MPP7: variants seen among roughly 807,000 people sequenced by gnomAD.
The protein encoded by MPP7 is MAGUK p55 subfamily member 7.
Under a neutral mutation model 76.5 loss-of-function variants are expected in MPP7, and 60 were observed. The observed-to-expected ratio is 0.78, with a 90% CI of 0.64 to 0.97. MPP7 has a LOEUF of 0.97. MPP7 is among the 50% of genes least tolerant of loss of function. MPP7 has a pLI of 0.00. For missense variants in MPP7, 641 were observed against 694.0 expected (o/e 0.92, Z 0.86); for synonymous variants, 237 against 244.5 (o/e 0.97, Z 0.29).
chr10:28,192,902 G>A (rs1298511264), intron 3 of MPP7, among the ~76,000 whole-genome samples: 2 of 152,218 alleles, frequency 1.3e-5, no homozygotes, highest in African/African-American at 4.8e-5. Context: ...GGCAGCATGT[G>A]TTGATGAAAG....
At chr10:28,233,992 G>T (rs750301580) in intron 2 of MPP7, among the ~76,000 whole-genome samples, 1 of 151,950 alleles carries the variant, frequency 6.6e-6, no homozygotes, top group African/African-American at 2.4e-5. Flanking sequence ...GAAAAGAAAC[G>T]AAATGAAACA....
intron 3 of MPP7, among the ~76,000 whole-genome samples, chr10:28,182,375 G>A (rs922346359): frequency 1.3e-5 from 2 of 152,166 alleles, no homozygotes; most frequent in African/African-American, 2.4e-5. Flanking sequence ...AATTCAAAAT[G>A]CTGAAATAAA....
chr10:28,116,552 G>C (rs1393893918), intron 11 of MPP7, among the ~76,000 whole-genome samples: 1 of 151,980 alleles, frequency 6.6e-6, no homozygotes, highest in Non-Finnish European at 1.5e-5. Flanking sequence ...TTTTCTCTCT[G>C]CATTACTAAT....
At chr10:28,106,741 GCTGTCAACT>G (rs1423058018) in intron 11 of MPP7, among the ~76,000 whole-genome samples, 4 of 152,052 alleles carry the variant, frequency 2.6e-5, no homozygotes, top group African/African-American at 9.7e-5. Context: ...TCCTTCCTCT[GCTGTCAACT>G]CTGTCACTCC....
intron 3 of MPP7, among the ~76,000 whole-genome samples, chr10:28,189,958 A>G (rs1837359767): frequency 6.6e-6 from 1 of 152,208 alleles, no homozygotes; most frequent in Non-Finnish European, 1.5e-5. Context: ...ACATAAAGAT[A>G]CAGACACACG....
chr10:28,266,716 G>A (rs1213748202), intron 1 of MPP7, among the ~76,000 whole-genome samples: 1 of 152,170 alleles, frequency 6.6e-6, no homozygotes, highest in African/African-American at 2.4e-5. Context: ...CTATGGTGCT[G>A]TCTCTTCTAT....
chr10:28,153,632 AT>A (rs1183720354), intron 3 of MPP7, among the ~76,000 whole-genome samples: 1 of 152,202 alleles, frequency 6.6e-6, no homozygotes, highest in African/African-American at 2.4e-5. Flanking sequence ...CTTCATTTAC[AT>A]ACTTCCTAAA....
intron 11 of MPP7, among the ~76,000 whole-genome samples, chr10:28,103,338 C>T (rs1853922125): frequency 6.6e-6 from 1 of 151,310 alleles, no homozygotes; most frequent in Admixed American, 6.6e-5. Context: ...TGTTGGGGGC[C>T]TGTGCACATG....
Position 28,275,536 on chromosome 10 carries a change from A to G in MPP7, c.-132+27325T>C, listed in dbSNP as rs377288695. 3.4e-4 allele frequency among the ~76,000 whole-genome samples: 52 copies of G among 151,818 alleles called. 1 individual carries two copies. In the South Asian group the frequency reaches 8.3e-3, roughly 24 times the overall value. ...ATTCTCCTGCCTCAGCCTCCCGAGT[A>G]GCTGGGATTACAGGCACGCACCACC... is the stretch of plus-strand genomic sequence containing the variant. On this transcript the variant is annotated intron_variant, in intron 1 of 16. Coordinates refer to ENST00000683449, the MANE Select transcript of MPP7 (RefSeq NM_001318170.2).
Position 28,149,993 on chromosome 10 carries a change from A to G in MPP7, c.223T>C (p.Leu75=), listed in dbSNP as rs1588851441. The change falls in exon 4 of 17, where the codon TTG becomes CTG. Residue 75 remains leucine, a synonymous_variant. Transcript: ENST00000683449. ...PVPILHGAAA[L]ADDLAEELQN... is the part of the protein sequence containing the mutation. Reference sequence around the variant, plus strand: ...AGAGTCACACTTACATCATCGGCCAAGGCCGCCGCACCATGGAGAATGGGC... The same window carrying G: ...AGAGTCACACTTACATCATCGGCCAGGGCCGCCGCACCATGGAGAATGGGC... 1 of 1,613,050 alleles carries G rather than the reference A, an allele frequency of 6.2e-7. No homozygotes were observed. The highest frequency in any genetic ancestry group is 8.5e-7 in the Non-Finnish European group (1 of 1,179,616).
chr10:28,165,568 T>C (rs1836423059), intron 3 of MPP7, among the ~76,000 whole-genome samples: 1 of 151,202 alleles, frequency 6.6e-6, no homozygotes, highest in Non-Finnish European at 1.5e-5. Context: ...AGCCTCATTC[T>C]CTGCTGTATG....
chr10:28,214,645 A>C (rs1433333022), intron 2 of MPP7, among the ~76,000 whole-genome samples: 1 of 152,188 alleles, frequency 6.6e-6, no homozygotes, highest in African/African-American at 2.4e-5. Context: ...CAGTGAAAGA[A>C]ATCAGACCTA....
chr10:28,120,724 G>A, intron 8 of MPP7, 56 bp from the exon 9 acceptor site: 4 of 1,370,080 alleles, frequency 2.9e-6, no homozygotes, highest in Non-Finnish European at 4.1e-6. Context: ...GAAGAATAAG[G>A]TAAAATAGGT....
At chr10:28,267,857 G>A (rs1169946230) in intron 1 of MPP7, among the ~76,000 whole-genome samples, 2 of 152,038 alleles carry the variant, frequency 1.3e-5, no homozygotes, top group Non-Finnish European at 1.5e-5. Context: ...GCAACACGGT[G>A]AAACTCCAAC....
intron 4 of MPP7, 36 bp from the exon 5 acceptor site, chr10:28,147,599 A>C (rs368513026): frequency 1.0e-4 from 161 of 1,578,548 alleles, no homozygotes; most frequent in Non-Finnish European, 1.4e-4. Flanking sequence ...AAGAACATTT[A>C]GTAAGAGCAT....
chr10:28,053,298 C>T lies in MPP7; in HGVS notation c.*767G>A, dbSNP rs1232904784. The T allele has an allele frequency of 1.3e-5, 2 of 152,004 alleles. No individual in the cohort carries two copies. Among genetic ancestry groups the T allele is most frequent in the Non-Finnish European group, 2.9e-5 (2 of 68,000 alleles). The allele number at this position is 152,004 out of a possible 1,614,324, so 9.4% of individuals were successfully genotyped here. ...CTGAGGAATTACAAATAAAAATATCCTTTGTAATCATTTCTTGCCACAAGG... is the reference window on the plus strand; with the variant it reads ...CTGAGGAATTACAAATAAAAATATCTTTTGTAATCATTTCTTGCCACAAGG... On this transcript the variant is annotated 3_prime_UTR_variant, in exon 17 of 17. Transcript: ENST00000683449.
At chr10:28,055,228 A>G (rs538354115) in intron 16 of MPP7, among the ~76,000 whole-genome samples, 3 of 152,320 alleles carry the variant, frequency 2.0e-5, no homozygotes, top group African/African-American at 7.2e-5. Flanking sequence ...AAGATTTCAC[A>G]ATAACAGAAA....
intron 13 of MPP7, among the ~76,000 whole-genome samples, chr10:28,065,155 C>G (rs1312807469): frequency 6.6e-6 from 1 of 152,040 alleles, no homozygotes; most frequent in African/African-American, 2.4e-5. Context: ...TTCTTACGGA[C>G]AGAGAAAAGA....
rs573418675 is a variant in MPP7 at position 28,220,835 on chromosome 10, G to A, written c.37+17733C>T. Among the ~76,000 whole-genome samples the A allele has an allele frequency of 1.3e-3, 193 of 152,120 alleles. 1 individual carries two copies. The highest frequency in any genetic ancestry group is 4.1e-3 in the African/African-American group (171 of 41,514). ...AATTAATGCTTCCCAGTTTTGCAACGGGACAAAAGCATAAAAAACATCAAG... is the reference window on the plus strand; with the variant it reads ...AATTAATGCTTCCCAGTTTTGCAACAGGACAAAAGCATAAAAAACATCAAG... On this transcript the variant is annotated intron_variant, in intron 2 of 16. Coordinates refer to ENST00000683449, the MANE Select transcript of MPP7 (RefSeq NM_001318170.2).
Sources: allele counts gnomAD v4.1 joint callset (sites outside exome capture counted in the v4.1 genomes callset), GRCh38; gene constraint gnomAD v4.1.1; transcripts MANE v1.5; gene names NCBI Gene and HGNC (gene_info 2026-07-23, HGNC 2026-07-21).